CNTNAP2: variants seen among roughly 807,000 people sequenced by gnomAD.
The protein encoded by CNTNAP2 is contactin associated protein 2, also known as contactin-associated protein-like 2.
In CNTNAP2, 98 loss-of-function variants were observed where a neutral mutation model predicts 155.2. That is an observed-to-expected ratio of 0.63 (90% CI 0.54 to 0.75). The LOEUF (loss-of-function observed/expected upper bound fraction) is 0.75, where lower values mean the gene tolerates loss of function less well. Among genes scored for constraint, CNTNAP2 ranks in the 30% least tolerant of loss-of-function variants. The pLI is 0.00. For synonymous variants in CNTNAP2, 651 were observed against 631.2 expected (o/e 1.03, Z -0.47); for missense variants, 1,727 against 1,688.1 (o/e 1.02, Z -0.40).
In CNTNAP2 at chr7:148,416,860, G is replaced by GGATGGAGAAGTGTAGTTA; in HGVS notation, c.*1245_*1262dup. 6.5e-6 allele frequency: 1 copy of GGATGGAGAAGTGTAGTTA among 152,716 alleles called. No homozygotes were observed. The highest frequency in any genetic ancestry group is 2.1e-4 in the South Asian group (1 of 4,830). The allele number at this position is 152,716 out of a possible 1,614,324, so 9.5% of individuals were successfully genotyped here. A position where few individuals can be genotyped will look rare whatever the true frequency, so the allele number is the denominator to read the frequency against. Reference sequence around the variant, plus strand: ...AACCTGGTACCTGTTGCTTCCCAGAGGATGGAGAAGTGTAGTTAATCACAC... The same window carrying GGATGGAGAAGTGTAGTTA: ...AACCTGGTACCTGTTGCTTCCCAGAGGATGGAGAAGTGTAGTTAGATGGAGAAGTGTAGTTAATCACAC... On this transcript the variant is annotated 3_prime_UTR_variant, in exon 24 of 24. Coordinates refer to ENST00000361727, the MANE Select transcript of CNTNAP2 (RefSeq NM_014141.6).
At chr7:146,702,321 A>G (rs1035217042) in intron 1 of CNTNAP2, among the ~76,000 whole-genome samples, 1 of 152,208 alleles carries the variant, frequency 6.6e-6, no homozygotes, top group African/African-American at 2.4e-5. Context: ...TAAGTATTCT[A>G]TTAAAAGGGC....
chr7:147,604,064 A>T (rs1801009643), intron 12 of CNTNAP2, among the ~76,000 whole-genome samples: 1 of 152,194 alleles, frequency 6.6e-6, no homozygotes, highest in Non-Finnish European at 1.5e-5. Flanking sequence ...CTTATACAAA[A>T]ATTAATTCAA....
rs189959987 is a variant in CNTNAP2, at chr7:146,614,128, A to G, written c.98-160143A>G. On this transcript the variant is annotated intron_variant, in intron 1 of 23. Transcript: ENST00000361727. ...GTCCTATTTAATTTTTAAGCAATGC[A>G]TTTGTAGAATTCCTCTGGTTTTACT... 3.7e-4 allele frequency among the ~76,000 whole-genome samples: 56 copies of G among 152,226 alleles called. No individual in the cohort carries two copies. In the East Asian group the frequency reaches 8.1e-3, roughly 22 times the overall value.
chr7:147,675,748 A>G (rs1248690466), intron 13 of CNTNAP2, among the ~76,000 whole-genome samples: 1 of 152,056 alleles, frequency 6.6e-6, no homozygotes, highest in Non-Finnish European at 1.5e-5. Context: ...CACAGGGGTT[A>G]GCGTTTGGGC....
intron 11 of CNTNAP2, among the ~76,000 whole-genome samples, chr7:147,549,834 AC>A (rs774343397): frequency 1.3e-5 from 2 of 152,198 alleles, no homozygotes; most frequent in Non-Finnish European, 2.9e-5. Context: ...ATTTCTTATC[AC>A]ATACACCCTG....
intron 1 of CNTNAP2, among the ~76,000 whole-genome samples, chr7:146,189,315 T>A (rs1055395399): frequency 7.2e-5 from 11 of 152,164 alleles, no homozygotes; most frequent in African/African-American, 2.4e-4. Context: ...ATTAATATTA[T>A]CCTTGATGAC....
chr7:146,801,925 A>T (rs1378161749), intron 2 of CNTNAP2, among the ~76,000 whole-genome samples: 6 of 152,222 alleles, frequency 3.9e-5, no homozygotes, highest in Non-Finnish European at 1.5e-5. Flanking sequence ...AGCAAGACAG[A>T]TATGAATCTC....
chr7:148,198,177 A>G lies in CNTNAP2; in HGVS notation c.3011-19111A>G, dbSNP rs531297367. On this transcript the variant is annotated intron_variant, in intron 18 of 23. Coordinates refer to ENST00000361727, the MANE Select transcript of CNTNAP2 (RefSeq NM_014141.6). ...GTAGCGAGCAAGGAGGCTGCCTGCT[A>G]CCCAGAGCCACCACCCCCCATGGCA... is the stretch of plus-strand genomic sequence containing the variant. 1.7e-4 allele frequency among the ~76,000 whole-genome samples: 26 copies of G among 152,238 alleles called. No individual in the cohort carries two copies. The South Asian group carries it at 5.4e-3, about 32-fold the overall frequency.
intron 4 of CNTNAP2, among the ~76,000 whole-genome samples, chr7:147,050,674 T>G (rs76806275): frequency 0.065 from 9,849 of 152,248 alleles, 421 homozygotes; most frequent in Middle Eastern, 0.13. Context: ...CTCTCATTCT[T>G]CCCAGGCAAG....
At chr7:146,576,111 A>C (rs536893286) in intron 1 of CNTNAP2, among the ~76,000 whole-genome samples, 1 of 152,170 alleles carries the variant, frequency 6.6e-6, no homozygotes, top group African/African-American at 2.4e-5. Context: ...GTCACTGAAT[A>C]TATGGCCTTG....
intron 10 of CNTNAP2, among the ~76,000 whole-genome samples, chr7:147,440,013 A>G (rs1368440635): frequency 1.3e-5 from 2 of 151,698 alleles, no homozygotes; most frequent in South Asian, 2.1e-4. Context: ...CTCTTTTTTC[A>G]TCCATTCAGC....
intron 1 of CNTNAP2, among the ~76,000 whole-genome samples, chr7:146,261,266 G>A (rs1799915547): frequency 6.6e-6 from 1 of 151,860 alleles, no homozygotes; most frequent in Non-Finnish European, 1.5e-5. Context: ...AATACACTTA[G>A]TTACTGAGAT....
intron 13 of CNTNAP2, among the ~76,000 whole-genome samples, chr7:147,663,238 C>T (rs560462040): frequency 2.0e-5 from 3 of 152,328 alleles, no homozygotes; most frequent in African/African-American, 7.2e-5. Context: ...CCTCGTGATC[C>T]ACCCGCCTTG....
At chr7:146,420,909 T>C (rs1284078197) in intron 1 of CNTNAP2, among the ~76,000 whole-genome samples, 3 of 152,098 alleles carry the variant, frequency 2.0e-5, no homozygotes, top group East Asian at 1.9e-4. Context: ...ACAAAAGTTA[T>C]GCAAGCTTTC....
chr7:146,775,038 G>T (rs1363213412), intron 2 of CNTNAP2, among the ~76,000 whole-genome samples: 1 of 152,150 alleles, frequency 6.6e-6, no homozygotes, highest in East Asian at 1.9e-4. Context: ...ACAAACATCA[G>T]TGAATGGCAA....
At chr7:148,091,702 T>C (rs1186866498) in intron 15 of CNTNAP2, among the ~76,000 whole-genome samples, 1 of 152,222 alleles carries the variant, frequency 6.6e-6, no homozygotes, top group Non-Finnish European at 1.5e-5. Flanking sequence ...CTTCAATACA[T>C]ACCATTTATC....
At chr7:146,829,145 A>T (rs1274923259) in intron 2 of CNTNAP2, among the ~76,000 whole-genome samples, 1 of 152,122 alleles carries the variant, frequency 6.6e-6, no homozygotes, top group African/African-American at 2.4e-5. Context: ...AATAATTTAC[A>T]TATTTTTTAA....
At chr7:146,447,240 G>T (rs151329007) in intron 1 of CNTNAP2, among the ~76,000 whole-genome samples, 102 of 152,132 alleles carry the variant, frequency 6.7e-4, no homozygotes, top group Non-Finnish European at 1.1e-3. Flanking sequence ...AATGGAGAGT[G>T]TACGCCACAG....
At position 147,954,128 on chromosome 7, in the gene CNTNAP2, G is replaced by A. The variant is rs561714872; in HGVS notation, c.2256-23734G>A. ...AAAGCAAACAAATGAGTTATCTTCA[G>A]GGGAGAAAAGTGCTTGTCCAGTGTA... is the stretch of plus-strand genomic sequence containing the variant. On this transcript the variant is annotated intron_variant, in intron 14 of 23. Transcript: ENST00000361727. Among the ~76,000 whole-genome samples, 3 of 152,246 alleles carry A rather than the reference G, an allele frequency of 2.0e-5. No individual in the cohort carries two copies. In the South Asian group the frequency reaches 6.2e-4, roughly 32 times the overall value.
Sources: gnomAD v4.1 joint callset for allele counts (sites outside exome capture counted in the v4.1 genomes callset) on GRCh38, gnomAD v4.1.1 for gene constraint, MANE v1.5 for transcripts, NCBI Gene and HGNC (gene_info 2026-07-23, HGNC 2026-07-21) for gene names.